Variants in PRKN observed in about 807,000 individuals in gnomAD.
PRKN encodes parkin RBR E3 ubiquitin protein ligase.
In PRKN, 56 loss-of-function variants were observed where a neutral mutation model predicts 59.5. The observed-to-expected ratio is 0.94, with a 90% CI of 0.76 to 1.18. The LOEUF is 1.18. Ranked by LOEUF, PRKN falls within the 50% of genes most tolerant of loss-of-function variation. The pLI, the probability that PRKN is intolerant of heterozygous loss-of-function variation, is 0.00. For missense variants in PRKN, 657 were observed against 596.4 expected (o/e 1.10, Z -1.06); for synonymous variants, 250 against 222.1 (o/e 1.13, Z -1.12).
intron 1 of PRKN, among the ~76,000 whole-genome samples, chr6:162,618,667 A>G (rs993642720): frequency 1.3e-5 from 2 of 152,210 alleles, no homozygotes; most frequent in Non-Finnish European, 2.9e-5. Context: ...ACAGCATAAC[A>G]AATGAAAGGC....
chr6:161,890,969 T>C lies in PRKN; in HGVS notation c.734+82333A>G, dbSNP rs373849089. ...GAAAATGAAGTGGGCTACTGTGATC[T>C]ATCGTCAGAGTTTCTCAATCCATTC... On this transcript the variant is annotated intron_variant, in intron 6 of 11. Coordinates refer to ENST00000366898, the MANE Select transcript of PRKN (RefSeq NM_004562.3). Among the ~76,000 whole-genome samples, 76 of 152,308 alleles carry C rather than the reference T, an allele frequency of 5.0e-4. 1 individual carries two copies. The South Asian group carries it at 0.014, about 27-fold the overall frequency.
At chr6:162,271,021 T>TG (rs1279699773) in intron 2 of PRKN, among the ~76,000 whole-genome samples, 5 of 147,004 alleles carry the variant, frequency 3.4e-5, no homozygotes, top group African/African-American at 1.3e-4. Flanking sequence ...TTCTAGTTTT[T>TG]TTTTTTTTTT....
intron 9 of PRKN, among the ~76,000 whole-genome samples, chr6:161,481,449 A>G (rs932179770): frequency 5.9e-5 from 9 of 152,000 alleles, no homozygotes; most frequent in African/African-American, 2.2e-4. Flanking sequence ...CTAAAAATAC[A>G]AAAAATTAGC....
intron 1 of PRKN, chr6:162,569,046 C>T: frequency 2.9e-6 from 2 of 684,454 alleles, no homozygotes; most frequent in Non-Finnish European, 2.6e-6. Flanking sequence ...ATCTATGGTG[C>T]TGTCCAGGAC....
Position 162,416,948 on chromosome 6 carries a change from C to T in PRKN, c.171+26362G>A, listed in dbSNP as rs543543463. ...ATATATGGTTCAGTCTTAAACTAAA[C>T]ACAAAGCAGTTCTCCTAACTAAACA... On this transcript the variant is annotated intron_variant, in intron 2 of 11. Coordinates refer to ENST00000366898, the MANE Select transcript of PRKN (RefSeq NM_004562.3). Among the ~76,000 whole-genome samples the T allele has an allele frequency of 1.0e-3, 157 of 152,150 alleles. 1 individual carries two copies. The South Asian group carries it at 0.023, about 23-fold the overall frequency.
At chr6:161,722,437 T>C (rs1787264979) in intron 7 of PRKN, among the ~76,000 whole-genome samples, 1 of 152,198 alleles carries the variant, frequency 6.6e-6, no homozygotes, top group Admixed American at 6.5e-5. Context: ...TCAGCACCTG[T>C]TGTTGAACTC....
At chr6:161,777,826 G>GTGTA (rs1562676515) in intron 7 of PRKN, among the ~76,000 whole-genome samples, 1 of 133,932 alleles carries the variant, frequency 7.5e-6, no homozygotes, top group Non-Finnish European at 1.5e-5. Context: ...GTGTATATAT[G>GTGTA]TATATGTATA....
chr6:162,434,697 A>G (rs9365430), intron 2 of PRKN, among the ~76,000 whole-genome samples: 59,660 of 151,952 alleles, frequency 0.39, 13,032 homozygotes, highest in African/African-American at 0.6. Flanking sequence ...CAATGCTGGA[A>G]TAAATATTTA....
chr6:162,625,659 GTA>G (rs141189851), intron 1 of PRKN, among the ~76,000 whole-genome samples: 3,046 of 151,944 alleles, frequency 0.02, 99 homozygotes, highest in African/African-American at 0.068. Context: ...ATGTGTGTGT[GTA>G]TATGTATTTA....
At chr6:161,720,298 T>C (rs1394612352) in intron 7 of PRKN, among the ~76,000 whole-genome samples, 3 of 152,184 alleles carry the variant, frequency 2.0e-5, no homozygotes, top group East Asian at 1.9e-4. Context: ...CATTATCTCA[T>C]AGCAGCCCTA....
chr6:162,170,148 C>T (rs1783204003), intron 4 of PRKN, among the ~76,000 whole-genome samples: 1 of 152,086 alleles, frequency 6.6e-6, no homozygotes, highest in Non-Finnish European at 1.5e-5. Context: ...CCACTTTTAC[C>T]TTTCTTACTC....
In PRKN at chr6:161,756,457, A is replaced by C. The variant is rs974523350; in HGVS notation, c.871+29315T>G. ...ACCTTGTCTCGAAAAAAAAAAAAAA[A>C]AAAAAAAAAAAAACACTTTCTCTCA... is the stretch of plus-strand genomic sequence containing the variant. On this transcript the variant is annotated intron_variant, in intron 7 of 11. Coordinates refer to ENST00000366898, the MANE Select transcript of PRKN (RefSeq NM_004562.3). Among the ~76,000 whole-genome samples, 65 of 151,366 alleles carry C rather than the reference A, an allele frequency of 4.3e-4. 1 individual carries two copies. The highest frequency in any genetic ancestry group is 1.5e-3 in the African/African-American group (62 of 41,174).
chr6:162,338,061 T>C (rs1783929258), intron 2 of PRKN, among the ~76,000 whole-genome samples: 1 of 152,074 alleles, frequency 6.6e-6, no homozygotes, highest in Non-Finnish European at 1.5e-5. Context: ...AATGTAGAGA[T>C]TTAACTTTGA....
chr6:162,495,558 G>A (rs181385958), intron 1 of PRKN, among the ~76,000 whole-genome samples: 2 of 152,216 alleles, frequency 1.3e-5, no homozygotes, highest in Admixed American at 1.3e-4. Context: ...CCAGTGTGCC[G>A]TGTGAGCCAC....
At chr6:161,477,288 C>T (rs565162216) in intron 9 of PRKN, among the ~76,000 whole-genome samples, 5 of 152,240 alleles carry the variant, frequency 3.3e-5, no homozygotes, top group South Asian at 4.1e-4. Context: ...GAGGCCCAGG[C>T]GGGCGGATCA....
chr6:161,928,290 CTT>C (rs1197864046), intron 6 of PRKN, among the ~76,000 whole-genome samples: 9 of 152,070 alleles, frequency 5.9e-5, no homozygotes, highest in African/African-American at 2.2e-4. Context: ...GATAATGACA[CTT>C]ATTATTAATA....
chr6:161,975,902 T>C (rs887136162), intron 5 of PRKN, among the ~76,000 whole-genome samples: 2 of 151,760 alleles, frequency 1.3e-5, no homozygotes, highest in African/African-American at 2.4e-5. Context: ...AAATCTGGAG[T>C]GTGCCATTTT....
rs1785495920 is a variant in PRKN, at chr6:161,372,854, G to A, written c.1168-12649C>T. On this transcript the variant is annotated intron_variant, in intron 10 of 11. Transcript: ENST00000366898. The surrounding 1 kb of genome is among the most constrained non-coding windows in gnomAD (Gnocchi z 4.2). ...TTTTTTTTTTTTTTTTTTTGAGACA[G>A]GGTCTCACTCTGTTGCCCAGGCTGG... is the stretch of plus-strand genomic sequence containing the variant. Among the ~76,000 whole-genome samples, 1 of 143,068 alleles carries A rather than the reference G, an allele frequency of 7.0e-6. No homozygotes were observed. Among genetic ancestry groups the A allele is most frequent in the Non-Finnish European group, 1.5e-5 (1 of 66,312 alleles). 93.9% of individuals were successfully genotyped at this position (143,068 alleles called of 152,430 possible).
rs543756406 is a variant in PRKN at position 162,239,661 on chromosome 6, G to A, written c.412+22864C>T. Among the ~76,000 whole-genome samples, 20 of 152,098 alleles carry A rather than the reference G, an allele frequency of 1.3e-4. No homozygotes were observed. The South Asian group carries it at 3.1e-3, about 24-fold the overall frequency. On this transcript the variant is annotated intron_variant, in intron 3 of 11. Coordinates refer to ENST00000366898, the MANE Select transcript of PRKN (RefSeq NM_004562.3). ...GAGAAAGTTCAAGACTATGTTCAGC[G>A]TAAGAGCAAAAGCCTCCTGAGAATT... is the stretch of plus-strand genomic sequence containing the variant.
Sources: allele counts gnomAD v4.1 joint callset (sites outside exome capture counted in the v4.1 genomes callset), GRCh38; gene constraint gnomAD v4.1.1; non-coding constraint Gnocchi (gnomAD v3.1); transcripts MANE v1.5; gene names NCBI Gene and HGNC (gene_info 2026-07-23, HGNC 2026-07-21).